SACS: variants seen among roughly 807,000 people sequenced by gnomAD.
SACS encodes the protein sacsin molecular chaperone.
A neutral mutation model predicts 348.0 loss-of-function variants in SACS; 197 were observed. The ratio of observed to expected loss-of-function variants is 0.57; its 90% CI spans 0.50 to 0.64. The LOEUF (loss-of-function observed/expected upper bound fraction) is 0.64, where lower values mean the gene tolerates loss of function less well. SACS is among the 30% of genes least tolerant of loss of function. The probability of loss-of-function intolerance (pLI) is 0.00; values close to 1 mark genes in which losing one functional copy is unlikely to be tolerated. For missense variants in SACS, 4,999 were observed against 5,360.8 expected, an observed-to-expected ratio of 0.93 and a Z score of 2.11; for synonymous variants, 1,985 against 1,910.6, an observed-to-expected ratio of 1.04 and a Z score of -1.02.
chr13:23,374,718 G>A (rs913762802), intron 3 of SACS, among the ~76,000 whole-genome samples: 3 of 152,060 alleles, frequency 2.0e-5, no homozygotes, highest in Admixed American at 2.0e-4. Flanking sequence ...CCAAATTTCT[G>A]TATCAAAAAT....
rs1883677997 is a variant in SACS, at chr13:23,334,181, G to A, written c.9695C>T (p.Thr3232Ile). 1 of 1,613,672 alleles carries A rather than the reference G, an allele frequency of 6.2e-7. No individual in the cohort carries two copies. The highest frequency in any genetic ancestry group is 1.3e-5 in the African/African-American group (1 of 74,880). The change falls in exon 10 of 10, where the codon ACA (threonine) becomes ATA (isoleucine). Residue 3232 changes from threonine (T) to isoleucine (I), a missense_variant. This residue lies in a region of SACS where 734 missense variants were observed against 694.0 expected (regional missense o/e 1.06). Coordinates refer to ENST00000382292, the MANE Select transcript of SACS (RefSeq NM_014363.6). ...LPREYKTKSCTKWKDNFASES... is the reference protein window; with the variant it reads ...LPREYKTKSCIKWKDNFASES... ...ACTTGCAAAATTGTCTTTCCACTTT[G>A]TGCAACTTTTGGTCTTATATTCTCG...
Position 23,338,146 on chromosome 13 carries a change from G to A in SACS, c.5730C>T (p.Thr1910=), listed in dbSNP as rs2137616328. The A allele has an allele frequency of 6.2e-7, 1 of 1,614,034 alleles. No homozygotes were observed. The highest frequency in any genetic ancestry group is 1.1e-5 in the South Asian group (1 of 91,070). Residue 1910 remains threonine (T), a synonymous_variant, in exon 10 of 10, where the codon ACC becomes ACT. Transcript: ENST00000382292. ...TCACAATAACATGTCTCATGAACGTGGTATTCCATCGTCCTTTTGTATCTG... is the reference window on the plus strand; with the variant it reads ...TCACAATAACATGTCTCATGAACGTAGTATTCCATCGTCCTTTTGTATCTG... ...WKTDTKGRWN[T]TFMRHVIVKA...
At chr13:23,356,050 G>C (rs1440070476) in intron 7 of SACS, 43 bp from the exon 8 acceptor site, 21 of 1,499,738 alleles carry the variant, frequency 1.4e-5, no homozygotes, top group Non-Finnish European at 1.8e-5. Flanking sequence ...TGAAATTTTA[G>C]GGACAATTAT....
chr13:23,375,677 C>A (rs1316129445), intron 2 of SACS: 2 of 590,446 alleles, frequency 3.4e-6, no homozygotes, highest in Non-Finnish European at 4.1e-6. Flanking sequence ...CCCCAGGGAA[C>A]GCCCATCCAG....
rs1376530764 is a variant in SACS, at chr13:23,333,523, T to C, written c.10353A>G (p.Ala3451=). 4.3e-6 allele frequency: 7 copies of C among 1,613,614 alleles called. No homozygotes were observed. Among genetic ancestry groups the C allele is most frequent in the South Asian group, 1.1e-5 (1 of 91,068 alleles). Residue 3451 remains alanine, a synonymous_variant, in exon 10 of 10, where the codon GCA becomes GCG. Coordinates refer to ENST00000382292, the MANE Select transcript of SACS (RefSeq NM_014363.6). ...VEKWTQSSSS[A]FLEEKIHLKE... ...TTAAGTGTATTTTTTCTTCAAGAAA[T>C]GCAGATGATGATGACTGTGTCCATT...
At chr13:23,416,439 C>G (rs1422590123) in intron 1 of SACS, among the ~76,000 whole-genome samples, 1 of 151,932 alleles carries the variant, frequency 6.6e-6, no homozygotes, top group Non-Finnish European at 1.5e-5. Context: ...AATTGGCAAA[C>G]TTGTGGAAGA....
At chr13:23,417,758 A>G (rs538694294) in intron 1 of SACS, among the ~76,000 whole-genome samples, 6 of 152,268 alleles carry the variant, frequency 3.9e-5, no homozygotes, top group Admixed American at 3.9e-4. Flanking sequence ...GTAACCCTCA[A>G]GGAAAGGATT....
At chr13:23,363,073 T>A (rs888920341) in intron 6 of SACS, among the ~76,000 whole-genome samples, 14 of 150,346 alleles carry the variant, frequency 9.3e-5, no homozygotes, top group African/African-American at 3.4e-4. Flanking sequence ...CACGCCCAGA[T>A]AATTTTTGTA....
chr13:23,375,028 G>A, intron 3 of SACS, 91 bp downstream of exon 3: 1 of 1,266,610 alleles, frequency 7.9e-7, no homozygotes, highest in Non-Finnish European at 1.0e-6. Flanking sequence ...CGCGCCGCCC[G>A]CGGAAACCTG....
At chr13:23,373,612 GC>G (rs1871535646) in intron 3 of SACS, 1 of 152,776 alleles carries the variant, frequency 6.5e-6, no homozygotes, top group East Asian at 1.9e-4. Context: ...CCGTCCCCCC[GC>G]CCCGCGCCGC....
At chr13:23,385,444 C>T (rs970279855) in intron 2 of SACS, among the ~76,000 whole-genome samples, 3 of 151,502 alleles carry the variant, frequency 2.0e-5, no homozygotes, top group Non-Finnish European at 4.4e-5. Context: ...ACTGCAACTT[C>T]CGCTTCCTGG....
At chr13:23,429,616 C>G (rs192832417) in intron 1 of SACS, among the ~76,000 whole-genome samples, 1,680 of 151,468 alleles carry the variant, frequency 0.011, 36 homozygotes, top group African/African-American at 0.038. Flanking sequence ...GCCCACCTGG[C>G]CCTCCCAAAG....
At position 23,368,456 on chromosome 13, in the gene SACS, A is replaced by C; in HGVS notation, c.291T>G (p.Val97=). Residue 97 remains valine (V), a synonymous_variant, in exon 5 of 10, where the codon GTT becomes GTG. Coordinates refer to ENST00000382292, the MANE Select transcript of SACS (RefSeq NM_014363.6). ...TTCTCAAAATGTCCTTGAGAAAATC[A>C]ACAAGTGGTGGCGTTGTCTGACCAA... The part of the protein sequence containing the change: ...GRFGQTTPPL[V]DFLKDILRRY... 1 of 1,613,270 alleles carries C rather than the reference A, an allele frequency of 6.2e-7. No homozygotes were observed. Among genetic ancestry groups the C allele is most frequent in the East Asian group, 2.2e-5 (1 of 44,882 alleles).
chr13:23,399,419 T>C (rs1025292604), intron 2 of SACS, among the ~76,000 whole-genome samples: 17 of 152,150 alleles, frequency 1.1e-4, no homozygotes, highest in Middle Eastern at 3.2e-3. Flanking sequence ...ACCCATTCTG[T>C]AAACTGCCCC....
Position 23,355,966 on chromosome 13 carries a change from C to G in SACS, c.646G>C (p.Asp216His), listed in dbSNP as rs756191446. 2 of 1,613,846 alleles carry G rather than the reference C, an allele frequency of 1.2e-6. No homozygotes were observed. The highest frequency in any genetic ancestry group is 1.7e-6 in the Non-Finnish European group (2 of 1,180,004). Reference protein sequence around the residue: ...IFSGDQIGMLDPHQTLFGPHE... With the variant: ...IFSGDQIGMLHPHQTLFGPHE... ...GGGCCAAAAAGTGTTTGATGAGGAT[C>G]TAGCATCCCGATTTGGTCACCACTA... Residue 216 changes from aspartate to histidine, a missense_variant, in exon 8 of 10, where the codon GAT (aspartate) becomes CAT (histidine). Asp to His is a moderately conservative substitution (Grantham distance 81). This residue lies in a region of SACS where 3,156 missense variants were observed against 3,380.1 expected (regional missense o/e 0.93). Coordinates refer to ENST00000382292, the MANE Select transcript of SACS (RefSeq NM_014363.6).
chr13:23,428,644 T>G (rs1874293696), intron 1 of SACS: 1 of 152,208 alleles, frequency 6.6e-6, no homozygotes, highest in Non-Finnish European at 1.5e-5. Context: ...CTTTTGTGTG[T>G]GTGTAATAAA....
chr13:23,397,917 C>T (rs1444814189), intron 2 of SACS, among the ~76,000 whole-genome samples: 1 of 152,132 alleles, frequency 6.6e-6, no homozygotes, highest in Non-Finnish European at 1.5e-5. Flanking sequence ...GAAGGCCAGG[C>T]GTGGTGGCTG....
intron 4 of SACS, among the ~76,000 whole-genome samples, chr13:23,369,361 A>G (rs892811064): frequency 6.6e-6 from 1 of 152,222 alleles, no homozygotes; most frequent in Non-Finnish European, 1.5e-5. Flanking sequence ...TGTAGGAAGA[A>G]CAAGAAAATG....
Position 23,332,045 on chromosome 13 carries a change from A to T in SACS, c.11831T>A (p.Val3944Asp), listed in dbSNP as rs775226519. The T allele has an allele frequency of 6.2e-7, 1 of 1,614,118 alleles. No individual in the cohort carries two copies. The highest frequency in any genetic ancestry group is 1.1e-5 in the South Asian group (1 of 91,080). The stretch of plus-strand genomic sequence containing the variant: ...CCCTAAGTAGCACTGGCTGAGATCA[A>T]CTAACATTTGCACACCAATATTCCC... ...IQGNIGVQMLVDLSQCYLGKD... is the reference protein window; with the variant it reads ...IQGNIGVQMLDDLSQCYLGKD... The change falls in exon 10 of 10, where the codon GTT becomes GAT. Residue 3944 changes from valine (V) to aspartate (D), a missense_variant. Coordinates refer to ENST00000382292, the MANE Select transcript of SACS (RefSeq NM_014363.6).
Sources: allele counts gnomAD v4.1 joint callset (sites outside exome capture counted in the v4.1 genomes callset), GRCh38; gene constraint gnomAD v4.1.1; regional missense constraint gnomAD v4.1.1; transcripts MANE v1.5; gene names NCBI Gene and HGNC (gene_info 2026-07-23, HGNC 2026-07-21).